The following TNFRSF19 variants were observed in gnomAD, a reference collection of about 807,000 sequenced individuals.
The protein encoded by TNFRSF19 is tumor necrosis factor receptor superfamily member 19.
A neutral mutation model predicts 46.4 loss-of-function variants in TNFRSF19; 27 were observed. The ratio of observed to expected loss-of-function variants is 0.58; its 90% CI spans 0.43 to 0.80. The LOEUF is 0.80. Among genes scored for constraint, TNFRSF19 ranks in the 30% least tolerant of loss-of-function variants. The pLI is 0.00. For synonymous variants in TNFRSF19, 204 were observed against 205.0 expected, an observed-to-expected ratio of 1.00 and a Z score of 0.04; for missense variants, 511 against 530.8, an observed-to-expected ratio of 0.96 and a Z score of 0.37.
chr13:23,651,748 A>G (rs1376615801), intron 5 of TNFRSF19, among the ~76,000 whole-genome samples: 1 of 151,668 alleles, frequency 6.6e-6, no homozygotes, highest in African/African-American at 2.4e-5. Flanking sequence ...TTGTGTTTTA[A>G]ATTAGGTCAA....
At position 23,570,846 on chromosome 13, in the gene TNFRSF19, CG is replaced by C. The variant is rs1877594049; in HGVS notation, c.-35+1del. ...TGCCAGGAGAAACTAAGTTGCTGAA[CG>C]GGTAAGTACTGCAAAGAGCTCAGCA... On this transcript the variant is annotated splice_region_variant and 5_prime_UTR_variant, in exon 1 of 10. Transcript: ENST00000248484. 1 of 152,152 alleles carries C rather than the reference CG, an allele frequency of 6.6e-6. No homozygotes were observed. Among genetic ancestry groups the C allele is most frequent in the Non-Finnish European group, 1.5e-5 (1 of 68,048 alleles). 9.4% of individuals were successfully genotyped at this position (152,152 alleles called of 1,614,324 possible).
intron 1 of TNFRSF19, among the ~76,000 whole-genome samples, chr13:23,587,559 G>A (rs1349124522): frequency 7.3e-6 from 1 of 137,076 alleles, no homozygotes; most frequent in Non-Finnish European, 1.6e-5. Flanking sequence ...ATGTATTATT[G>A]CATTATGTGT....
intron 4 of TNFRSF19, among the ~76,000 whole-genome samples, chr13:23,616,416 A>C (rs946794471): frequency 8.5e-5 from 13 of 152,208 alleles, no homozygotes; most frequent in South Asian, 2.1e-4. Context: ...CACCCTCATT[A>C]GCATCAGAGG....
At position 23,660,410 on chromosome 13, in the gene TNFRSF19, C is replaced by T. The variant is rs145810971; in HGVS notation, c.656C>T (p.Ser219Leu). The change falls in exon 7 of 10, where the codon TCG becomes TTG. Residue 219 changes from serine to leucine, a missense_variant. Ser to Leu is a moderately radical substitution (Grantham distance 145). Transcript: ENST00000248484. ...QDIQYNGSEL[S>L]CFDRPQLHEY... ...ATTCAGTACAACGGCTCTGAGCTGT[C>T]GTGTTTTGACAGACCTCAGCTCCAC... 8.7e-6 allele frequency: 14 copies of T among 1,613,956 alleles called. No individual in the cohort carries two copies. Among genetic ancestry groups the T allele is most frequent in the South Asian group, 6.6e-5 (6 of 91,060 alleles).
At chr13:23,585,633 C>G (rs1456630441) in intron 1 of TNFRSF19, 2 of 152,212 alleles carry the variant, frequency 1.3e-5, no homozygotes, top group Non-Finnish European at 2.9e-5. Flanking sequence ...ATGAATTTCT[C>G]TCTTCATTTA....
chr13:23,605,212 C>T, intron 3 of TNFRSF19, among the ~76,000 whole-genome samples: 1 of 152,140 alleles, frequency 6.6e-6, no homozygotes, highest in East Asian at 1.9e-4. Flanking sequence ...TGAAAAGATC[C>T]TCCATATAGT....
intron 1 of TNFRSF19, among the ~76,000 whole-genome samples, chr13:23,585,993 G>A (rs1011945566): frequency 6.6e-6 from 1 of 152,084 alleles, no homozygotes; most frequent in African/African-American, 2.4e-5. Context: ...AAATGTAGCC[G>A]GGCGCGGTGG....
At chr13:23,619,002 A>G (rs1401144574) in intron 4 of TNFRSF19, among the ~76,000 whole-genome samples, 1 of 152,216 alleles carries the variant, frequency 6.6e-6, no homozygotes, top group Non-Finnish European at 1.5e-5. Flanking sequence ...ACCAGACGCC[A>G]GATACTGGCA....
chr13:23,652,000 C>T (rs1346430162), intron 5 of TNFRSF19, among the ~76,000 whole-genome samples: 2 of 147,988 alleles, frequency 1.4e-5, no homozygotes, highest in African/African-American at 5.0e-5. Context: ...AAAGTATGTA[C>T]AGATACATAT....
At chr13:23,586,822 G>C (rs1878880147) in intron 1 of TNFRSF19, among the ~76,000 whole-genome samples, 2 of 152,152 alleles carry the variant, frequency 1.3e-5, no homozygotes, top group African/African-American at 4.8e-5. Flanking sequence ...GCATGCTCCT[G>C]ATACTGCCAA....
At chr13:23,651,096 T>C (rs895064576) in intron 5 of TNFRSF19, among the ~76,000 whole-genome samples, 6 of 152,212 alleles carry the variant, frequency 3.9e-5, no homozygotes, top group African/African-American at 1.2e-4. Flanking sequence ...TCAATTAAGA[T>C]TGAAGAGAGC....
intron 5 of TNFRSF19, among the ~76,000 whole-genome samples, chr13:23,631,455 T>G (rs909567705): frequency 4.6e-5 from 7 of 152,210 alleles, no homozygotes; most frequent in Admixed American, 2.6e-4. Flanking sequence ...CACAGGTATG[T>G]GGCCTACAGT....
chr13:23,626,982 C>T (rs538491290), intron 5 of TNFRSF19, among the ~76,000 whole-genome samples, 190 bp downstream of exon 5: 4 of 152,302 alleles, frequency 2.6e-5, no homozygotes, highest in South Asian at 2.1e-4. Context: ...GTCAGCAAAC[C>T]GGTCCCAGGG....
At position 23,613,373 on chromosome 13, in the gene TNFRSF19, A is replaced by T. The variant is rs1211528605; in HGVS notation, c.181-2494A>T. On this transcript the variant is annotated intron_variant, in intron 3 of 9. Transcript: ENST00000248484. ...GAGAATTCCCAAAATAACTTGGCCA[A>T]CAAGTGGCAGAGCTGGCATTCAAAC... Among the ~76,000 whole-genome samples the T allele has an allele frequency of 2.6e-5, 4 of 152,338 alleles. No homozygotes were observed. The East Asian group carries it at 7.7e-4, about 29-fold the overall frequency.
chr13:23,606,893 T>C (rs796784258), intron 3 of TNFRSF19, among the ~76,000 whole-genome samples: 23 of 152,234 alleles, frequency 1.5e-4, no homozygotes, highest in African/African-American at 5.3e-4. Context: ...ATTCATGAAT[T>C]TGTGATTTCT....
At position 23,660,289 on chromosome 13, in the gene TNFRSF19, A is replaced by C. The variant is rs921279990; in HGVS notation, c.611-76A>C. On this transcript the variant is annotated intron_variant, in intron 6 of 9. Transcript: ENST00000248484. ...AGGATAGCTGATTTGTTCTTTAAAA[A>C]TACAAAAGCTAGAATGGCACAGGTC... 12 of 1,422,630 alleles carry C rather than the reference A, an allele frequency of 8.4e-6. No individual in the cohort carries two copies. The Middle Eastern group carries it at 5.9e-4, about 70-fold the overall frequency. The allele number at this position is 1,422,630 out of a possible 1,614,324, so 88.1% of individuals were successfully genotyped here.
chr13:23,623,963 C>A lies in TNFRSF19; in HGVS notation c.360-2744C>A, dbSNP rs183277481. ...TCTGATTTTAAGTTTAATATAGTCC[C>A]ATTTGTCAATTTTTTCTCTTGTTTC... On this transcript the variant is annotated intron_variant, in intron 4 of 9. Coordinates refer to ENST00000248484, the MANE Select transcript of TNFRSF19 (RefSeq NM_148957.4). Among the ~76,000 whole-genome samples the A allele has an allele frequency of 2.6e-5, 4 of 152,132 alleles. No individual in the cohort carries two copies. In the East Asian group the frequency reaches 7.7e-4, roughly 29 times the overall value.
intron 3 of TNFRSF19, among the ~76,000 whole-genome samples, chr13:23,606,929 G>A (rs1212662893): frequency 6.6e-6 from 1 of 152,114 alleles, no homozygotes; most frequent in Non-Finnish European, 1.5e-5. Context: ...TTTTGCAACA[G>A]CATATGTCTT....
intron 5 of TNFRSF19, among the ~76,000 whole-genome samples, chr13:23,644,416 C>G (rs572900252): frequency 6.6e-6 from 1 of 152,124 alleles, no homozygotes; most frequent in Admixed American, 6.5e-5. Flanking sequence ...GGGCTTTCCC[C>G]CCTTTGCTTG....
Sources: allele counts gnomAD v4.1 joint callset (sites outside exome capture counted in the v4.1 genomes callset), GRCh38; gene constraint gnomAD v4.1.1; transcripts MANE v1.5; gene names NCBI Gene and HGNC (gene_info 2026-07-23, HGNC 2026-07-21).